The following PSMD14 variants were observed in gnomAD, a reference collection of about 807,000 sequenced individuals.
The protein encoded by PSMD14 is proteasome 26S subunit, non-ATPase 14, also known as ubiquitin C-terminal hydrolase PSMD14.
In PSMD14, 7 loss-of-function variants were observed where a neutral mutation model predicts 41.2. The ratio of observed to expected loss-of-function variants is 0.17; its 90% confidence interval spans 0.10 to 0.32. The LOEUF is 0.32. Among genes scored for constraint, PSMD14 ranks in the 10% least tolerant of loss-of-function variants. The probability of loss-of-function intolerance (pLI) is 1.00; values close to 1 mark genes in which losing one functional copy is unlikely to be tolerated. For missense variants in PSMD14, 139 were observed against 375.6 expected, an observed-to-expected ratio of 0.37 and a Z score of 5.21; for synonymous variants, 114 against 122.3, an observed-to-expected ratio of 0.93 and a Z score of 0.45.
chr2:161,364,161 C>T (rs551656780), intron 3 of PSMD14, among the ~76,000 whole-genome samples: 1 of 152,196 alleles, frequency 6.6e-6, no homozygotes, highest in African/African-American at 2.4e-5. Flanking sequence ...CTGCTTCATT[C>T]TGCTGGTTGA....
intron 3 of PSMD14, among the ~76,000 whole-genome samples, chr2:161,343,260 T>G (rs1261352595): frequency 6.6e-6 from 1 of 152,198 alleles, no homozygotes; most frequent in Non-Finnish European, 1.5e-5. Context: ...AGCATTCCAC[T>G]TTCTGTTTGT....
chr2:161,367,635 C>A, intron 4 of PSMD14, 86 bp downstream of exon 4: 1 of 1,422,964 alleles, frequency 7.0e-7, no homozygotes, highest in Non-Finnish European at 9.6e-7. Flanking sequence ...CACCTTAATC[C>A]TCTCAGACAT....
intron 7 of PSMD14, among the ~76,000 whole-genome samples, chr2:161,375,404 T>C (rs893362306): frequency 1.3e-5 from 2 of 152,044 alleles, no homozygotes; most frequent in African/African-American, 4.8e-5. Context: ...TATATGCCAG[T>C]ATACAATAAA....
chr2:161,352,707 G>A (rs1683136944), intron 3 of PSMD14, among the ~76,000 whole-genome samples: 1 of 151,834 alleles, frequency 6.6e-6, no homozygotes, highest in South Asian at 2.1e-4. Context: ...CCTCTGTGTG[G>A]TGCTTTCTTT....
intron 3 of PSMD14, among the ~76,000 whole-genome samples, chr2:161,327,534 T>A (rs547458856): frequency 6.6e-6 from 1 of 152,214 alleles, no homozygotes; most frequent in East Asian, 1.9e-4. Flanking sequence ...AATCCCCCCA[T>A]TTTTTGGGGC....
intron 7 of PSMD14, among the ~76,000 whole-genome samples, chr2:161,378,297 C>G (rs762407692): frequency 2.6e-4 from 40 of 151,910 alleles, no homozygotes; most frequent in Non-Finnish European, 4.9e-4. Context: ...CATGTCAGTG[C>G]TCTATGAGTT....
At chr2:161,408,068 T>G (rs1683977260) in intron 10 of PSMD14, 1 of 152,102 alleles carries the variant, frequency 6.6e-6, no homozygotes, top group Non-Finnish European at 1.5e-5. Flanking sequence ...AAAGTTATGA[T>G]CATACATAGA....
intron 8 of PSMD14, 63 bp downstream of exon 8, chr2:161,385,634 G>T: frequency 1.1e-6 from 1 of 904,998 alleles, no homozygotes; most frequent in South Asian, 1.7e-5. Context: ...GCTATAAGTA[G>T]TCTTTTTAAG....
intron 3 of PSMD14, among the ~76,000 whole-genome samples, chr2:161,327,986 G>GTGTGTGTGTGTGTGTGTGTGTGTGT (rs778631832): frequency 6.7e-6 from 1 of 148,244 alleles, no homozygotes; most frequent in Non-Finnish European, 1.5e-5. Context: ...GTGTGTGTGA[G>GTGTGTGTGTGTGTGTGTGTGTGTGT]ATGTTGGTTA....
chr2:161,324,222 A>T (rs1448989956), intron 3 of PSMD14, among the ~76,000 whole-genome samples: 1 of 152,230 alleles, frequency 6.6e-6, no homozygotes, highest in Admixed American at 6.5e-5. Flanking sequence ...TCCAAGACGA[A>T]CAAGAATATC....
intron 8 of PSMD14, 43 bp from the exon 9 acceptor site, chr2:161,391,060 GA>G: frequency 1.4e-6 from 2 of 1,404,418 alleles, no homozygotes; most frequent in Non-Finnish European, 1.9e-6. Context: ...TTTATTAGGT[GA>G]AAAATATTAA....
intron 3 of PSMD14, among the ~76,000 whole-genome samples, chr2:161,362,316 G>A (rs1683300221): frequency 6.6e-6 from 1 of 152,182 alleles, no homozygotes; most frequent in African/African-American, 2.4e-5. Context: ...AAAAGATAGA[G>A]CATATTGTAT....
intron 3 of PSMD14, among the ~76,000 whole-genome samples, chr2:161,321,417 A>G (rs1468469475): frequency 1.3e-5 from 2 of 152,198 alleles, no homozygotes; most frequent in Non-Finnish European, 2.9e-5. Flanking sequence ...TGATGAACGA[A>G]ATGTCCAAGA....
chr2:161,405,298 C>T (rs1363050984), intron 10 of PSMD14, among the ~76,000 whole-genome samples: 1 of 152,140 alleles, frequency 6.6e-6, no homozygotes, highest in African/African-American at 2.4e-5. Context: ...CCCTCTGTTT[C>T]CCCAGGTGAT....
At chr2:161,396,412 G>C (rs1683795689) in intron 10 of PSMD14, among the ~76,000 whole-genome samples, 1 of 152,050 alleles carries the variant, frequency 6.6e-6, no homozygotes, top group African/African-American at 2.4e-5. Context: ...AGAAAATGTG[G>C]TGTATAGATA....
chr2:161,385,624 G>A (rs1384794714), intron 8 of PSMD14, 53 bp downstream of exon 8: 5 of 1,052,810 alleles, frequency 4.7e-6, no homozygotes, highest in Non-Finnish European at 7.2e-6. Flanking sequence ...TTAAAAGCCT[G>A]CTATAAGTAG....
rs114400544 is a variant in PSMD14, at chr2:161,332,642, T to C, written c.48+13769T>C. ...CACTTTAATGATGAGGTTTCAAGTA[T>C]TACACTGCTTAATGCTGTGGAACCT... On this transcript the variant is annotated intron_variant, in intron 3 of 11. Transcript: ENST00000409682. Among the ~76,000 whole-genome samples the C allele has an allele frequency of 3.2e-3, 486 of 152,334 alleles. 1 individual carries two copies. Among genetic ancestry groups the C allele is most frequent in the African/African-American group, 0.011 (471 of 41,580 alleles).
chr2:161,374,911 C>G (rs1041014774), intron 7 of PSMD14, among the ~76,000 whole-genome samples: 15 of 152,070 alleles, frequency 9.9e-5, no homozygotes, highest in South Asian at 4.1e-4. Flanking sequence ...TTGATGGGTT[C>G]CTGTTAGTAA....
chr2:161,397,769 G>GA (rs1333002206), intron 10 of PSMD14, among the ~76,000 whole-genome samples: 1 of 152,164 alleles, frequency 6.6e-6, no homozygotes, highest in Non-Finnish European at 1.5e-5. Flanking sequence ...GGTTGGCTTT[G>GA]AAAAGTATGC....
Sources: allele counts gnomAD v4.1 joint callset (sites outside exome capture counted in the v4.1 genomes callset), GRCh38; gene constraint gnomAD v4.1.1; transcripts MANE v1.5; gene names NCBI Gene and HGNC (gene_info 2026-07-23, HGNC 2026-07-21).